RIMS2: variants seen among roughly 807,000 people sequenced by gnomAD.
The protein encoded by RIMS2 is regulating synaptic membrane exocytosis 2.
Under a neutral mutation model 174.4 loss-of-function variants are expected in RIMS2, and 59 were observed. The observed-to-expected ratio is 0.34, with a 90% CI of 0.27 to 0.42. The LOEUF is 0.42. Among genes scored for constraint, RIMS2 ranks in the 10% least tolerant of loss-of-function variants. The probability of loss-of-function intolerance (pLI) is 1.00; values close to 1 mark genes in which losing one functional copy is unlikely to be tolerated. For synonymous variants in RIMS2, 606 were observed against 572.5 expected (o/e 1.06, Z -0.84); for missense variants, 1,620 against 1,666.3 (o/e 0.97, Z 0.48).
At chr8:103,996,903 G>A (rs1454284795) in intron 17 of RIMS2, among the ~76,000 whole-genome samples, 3 of 151,804 alleles carry the variant, frequency 2.0e-5, no homozygotes, top group African/African-American at 4.8e-5. Flanking sequence ...GTTAAATAAA[G>A]ACTATTTTTA....
At chr8:103,605,973 T>G (rs1366542010) in intron 1 of RIMS2, among the ~76,000 whole-genome samples, 5 of 146,186 alleles carry the variant, frequency 3.4e-5, no homozygotes, top group African/African-American at 1.0e-4. Flanking sequence ...ATTAATTTTT[T>G]GAAGGGTTTT....
At chr8:104,059,273 G>A (rs1389365093) in intron 19 of RIMS2, among the ~76,000 whole-genome samples, 4 of 149,410 alleles carry the variant, frequency 2.7e-5, no homozygotes, top group Admixed American at 2.7e-4. Context: ...TCTCCTTGAA[G>A]AGGTCCTTCA....
intron 19 of RIMS2, among the ~76,000 whole-genome samples, chr8:104,207,765 A>T (rs987651197): frequency 3.3e-5 from 5 of 151,910 alleles, no homozygotes; most frequent in African/African-American, 1.2e-4. Context: ...GTGAGCCAAG[A>T]TCACGCCATT....
intron 3 of RIMS2, among the ~76,000 whole-genome samples, chr8:103,778,232 C>T (rs1487603846): frequency 6.6e-6 from 1 of 151,922 alleles, no homozygotes; most frequent in Non-Finnish European, 1.5e-5. Context: ...TTGGGATATC[C>T]ATTACCTAAA....
At chr8:103,784,251 G>A (rs1592264569) in intron 3 of RIMS2, among the ~76,000 whole-genome samples, 1 of 148,852 alleles carries the variant, frequency 6.7e-6, no homozygotes, top group African/African-American at 2.5e-5. Context: ...TTCTTTTGCT[G>A]TGCAGAAGCT....
Position 103,758,997 on chromosome 8 carries a change from G to A in RIMS2, c.388-7230G>A, listed in dbSNP as rs1216858138. The stretch of plus-strand genomic sequence containing the variant: ...GGGAAAGTGTTAGGTATACAGAAAA[G>A]AACAGTCAAGGAAAAGCTTGTTTCT... On this transcript the variant is annotated intron_variant, in intron 2 of 23. Coordinates refer to ENST00000504942, the Ensembl canonical transcript of RIMS2. Among the ~76,000 whole-genome samples, 4 of 152,146 alleles carry A rather than the reference G, an allele frequency of 2.6e-5. No individual in the cohort carries two copies. The East Asian group carries it at 7.7e-4, about 29-fold the overall frequency.
chr8:104,169,737 G>C (rs2098821188), intron 19 of RIMS2, among the ~76,000 whole-genome samples: 3 of 151,790 alleles, frequency 2.0e-5, no homozygotes, highest in Non-Finnish European at 4.4e-5. Context: ...GTTTGTTCTT[G>C]TTTCTCTAGT....
chr8:104,161,745 G>A (rs1477772044), intron 19 of RIMS2, among the ~76,000 whole-genome samples: 4 of 152,172 alleles, frequency 2.6e-5, no homozygotes, highest in African/African-American at 9.7e-5. Context: ...TGTCTCACAA[G>A]ACCAAAATCA....
chr8:103,967,765 T>A (rs1443600102), intron 15 of RIMS2, among the ~76,000 whole-genome samples: 1 of 152,158 alleles, frequency 6.6e-6, no homozygotes. Flanking sequence ...TGGCTCCTTT[T>A]TCTTTATAGA....
chr8:103,615,426 A>G (rs1406912579), intron 1 of RIMS2, among the ~76,000 whole-genome samples: 1 of 152,188 alleles, frequency 6.6e-6, no homozygotes, highest in Non-Finnish European at 1.5e-5. Flanking sequence ...TCAAAAAGTT[A>G]GAAAGATCTC....
chr8:103,548,475 A>C (rs1045591342), intron 1 of RIMS2, among the ~76,000 whole-genome samples: 1 of 152,060 alleles, frequency 6.6e-6, no homozygotes, highest in African/African-American at 2.4e-5. Flanking sequence ...ACATCCTTTC[A>C]TGTTAAAAAC....
At chr8:104,213,499 C>G (rs916203797) in intron 19 of RIMS2, among the ~76,000 whole-genome samples, 6 of 152,090 alleles carry the variant, frequency 3.9e-5, no homozygotes, top group African/African-American at 1.4e-4. Context: ...CAGTCATTCC[C>G]GTTTGCTCAT....
intron 19 of RIMS2, among the ~76,000 whole-genome samples, chr8:104,025,918 T>C (rs745575811): frequency 2.6e-5 from 4 of 152,200 alleles, no homozygotes; most frequent in South Asian, 2.1e-4. Flanking sequence ...TACAGGTTTG[T>C]AGTCTAGGAG....
In RIMS2 at chr8:104,023,958, C is replaced by T. The variant is rs556043697; in HGVS notation, c.3334+9343C>T. 1.2e-4 allele frequency among the ~76,000 whole-genome samples: 19 copies of T among 152,218 alleles called. No individual in the cohort carries two copies. In the South Asian group the frequency reaches 1.7e-3, roughly 13 times the overall value. ...TTTATCAAGAATATGAAATGATTAT[C>T]GGACTTAGCAAGTAGGAAGTCACTA... On this transcript the variant is annotated intron_variant, in intron 19 of 23. Coordinates refer to ENST00000504942, the Ensembl canonical transcript of RIMS2.
intron 1 of RIMS2, among the ~76,000 whole-genome samples, chr8:103,523,477 A>G (rs1832673822): frequency 6.6e-6 from 1 of 152,138 alleles, no homozygotes; most frequent in Non-Finnish European, 1.5e-5. Context: ...TCTGTCTTGA[A>G]TAAGGAAAGT....
chr8:104,042,168 G>A (rs2096620471), intron 19 of RIMS2, among the ~76,000 whole-genome samples: 1 of 151,302 alleles, frequency 6.6e-6, no homozygotes, highest in African/African-American at 2.4e-5. Flanking sequence ...CTTTCCCCTG[G>A]GGAGGATGGA....
chr8:103,708,157 G>A (rs1336327481), intron 2 of RIMS2, among the ~76,000 whole-genome samples: 1 of 152,200 alleles, frequency 6.6e-6, no homozygotes, highest in Non-Finnish European at 1.5e-5. Context: ...TTCACCCAAG[G>A]ACTGCAGTTG....
chr8:103,865,725 A>C (rs550848482), intron 3 of RIMS2, among the ~76,000 whole-genome samples: 1 of 152,316 alleles, frequency 6.6e-6, no homozygotes, highest in South Asian at 2.1e-4. Flanking sequence ...ATCAGAAAAA[A>C]ACTTTCCTTA....
intron 2 of RIMS2, among the ~76,000 whole-genome samples, chr8:103,722,645 C>T (rs2097466598): frequency 6.6e-6 from 1 of 152,128 alleles, no homozygotes; most frequent in Non-Finnish European, 1.5e-5. Context: ...TGCTCACTCT[C>T]CCACCACTAG....
Sources: allele counts gnomAD v4.1 joint callset (sites outside exome capture counted in the v4.1 genomes callset), GRCh38; gene constraint gnomAD v4.1.1; transcripts MANE v1.5; gene names NCBI Gene and HGNC (gene_info 2026-07-23, HGNC 2026-07-21).